The following MGAT4C variants were observed in gnomAD, a reference collection of about 807,000 sequenced individuals.
The protein encoded by MGAT4C is MGAT4 family member C, also known as alpha-1,3-mannosyl-glycoprotein 4-beta-N-acetylglucosaminyltransferase C.
A neutral mutation model predicts 40.1 loss-of-function variants in MGAT4C; 19 were observed. That is an observed-to-expected ratio of 0.47 (90% CI 0.33 to 0.70). MGAT4C has a LOEUF of 0.70. MGAT4C is among the 30% of genes least tolerant of loss of function. MGAT4C has a pLI of 0.02. For missense variants in MGAT4C, 491 were observed against 563.2 expected, an observed-to-expected ratio of 0.87 and a Z score of 1.30; for synonymous variants, 181 against 187.1, an observed-to-expected ratio of 0.97 and a Z score of 0.27.
chr12:86,237,095 A>T (rs910166632), intron 1 of MGAT4C, among the ~76,000 whole-genome samples: 3 of 151,372 alleles, frequency 2.0e-5, no homozygotes, highest in African/African-American at 7.3e-5. Context: ...AAGAATGTGG[A>T]TATACAGTTT....
chr12:86,272,506 G>T (rs184552603), intron 4 of MGAT4C, among the ~76,000 whole-genome samples: 109 of 152,130 alleles, frequency 7.2e-4, no homozygotes, highest in Non-Finnish European at 1.2e-3. Context: ...ACCTAAGAGA[G>T]ATTTTTTTTT....
intron 3 of MGAT4C, among the ~76,000 whole-genome samples, chr12:86,419,494 C>T (rs567978430): frequency 6.4e-4 from 97 of 151,854 alleles, no homozygotes; most frequent in African/African-American, 2.1e-3. Context: ...ACCAGTTTTG[C>T]AACTCAGTGA....
chr12:86,109,055 T>A (rs1280616098), intron 1 of MGAT4C, among the ~76,000 whole-genome samples: 1 of 152,150 alleles, frequency 6.6e-6, no homozygotes, highest in African/African-American at 2.4e-5. Flanking sequence ...GAAGCAGAGA[T>A]CCTGTATGGT....
intron 1 of MGAT4C, among the ~76,000 whole-genome samples, chr12:86,790,717 A>G (rs189377007): frequency 5.9e-5 from 9 of 152,212 alleles, no homozygotes; most frequent in Non-Finnish European, 1.0e-4. Flanking sequence ...GGCAAGCCCA[A>G]GACTGTCTGT....
chr12:86,684,492 A>C (rs138408353), intron 2 of MGAT4C, among the ~76,000 whole-genome samples: 1 of 152,312 alleles, frequency 6.6e-6, no homozygotes, highest in Non-Finnish European at 1.5e-5. Context: ...GAATAAACAT[A>C]TGTGTGTATG....
intron 1 of MGAT4C, among the ~76,000 whole-genome samples, chr12:86,062,743 C>A (rs936946469): frequency 3.3e-5 from 5 of 151,312 alleles, no homozygotes; most frequent in Middle Eastern, 6.4e-3. Flanking sequence ...GTATCAATAG[C>A]CAAATTGATC....
chr12:86,031,039 C>T (rs1212703946), intron 2 of MGAT4C, among the ~76,000 whole-genome samples: 1 of 151,726 alleles, frequency 6.6e-6, no homozygotes, highest in Non-Finnish European at 1.5e-5. Flanking sequence ...ATGTTGGTGC[C>T]ACACTTAAGA....
intron 2 of MGAT4C, among the ~76,000 whole-genome samples, chr12:86,518,864 TA>T (rs1025515266): frequency 5.3e-5 from 8 of 149,910 alleles, no homozygotes; most frequent in South Asian, 2.1e-4. Context: ...CAGTAAAAAT[TA>T]AAAAAAAAAT....
At chr12:86,665,943 C>A (rs2406249) in intron 2 of MGAT4C, among the ~76,000 whole-genome samples, 152,282 of 152,282 alleles carry the variant, frequency 1, 76,141 homozygotes, top group Non-Finnish European at 1. Context: ...GAAAAATAAA[C>A]CATTATATAT....
chr12:86,019,992 G>T (rs992293179), intron 2 of MGAT4C, among the ~76,000 whole-genome samples: 3 of 151,908 alleles, frequency 2.0e-5, no homozygotes, highest in Non-Finnish European at 2.9e-5. Flanking sequence ...GCTCTCTGTT[G>T]GTCTGTTATT....
chr12:86,553,180 G>T (rs1456931634), intron 2 of MGAT4C, among the ~76,000 whole-genome samples: 1 of 152,104 alleles, frequency 6.6e-6, no homozygotes, highest in Non-Finnish European at 1.5e-5. Flanking sequence ...TTGCAGTCCA[G>T]TCAGCAAAAC....
intron 2 of MGAT4C, among the ~76,000 whole-genome samples, chr12:86,593,054 T>C (rs1961394257): frequency 6.6e-6 from 1 of 152,078 alleles, no homozygotes; most frequent in Non-Finnish European, 1.5e-5. Flanking sequence ...TTGTCTTCCT[T>C]TAATTCTCAA....
intron 1 of MGAT4C, among the ~76,000 whole-genome samples, chr12:86,194,422 TG>T (rs1949715966): frequency 6.6e-6 from 1 of 151,992 alleles, no homozygotes; most frequent in Admixed American, 6.6e-5. Context: ...GATTCTCTTT[TG>T]TTTTTAGGAG....
intron 2 of MGAT4C, among the ~76,000 whole-genome samples, chr12:86,642,032 A>G (rs931628506): frequency 1.3e-5 from 2 of 151,876 alleles, no homozygotes; most frequent in East Asian, 1.9e-4. Context: ...CTTATTTTAC[A>G]TGCTACTTAA....
chr12:86,212,877 GCGAGACTCCGTCT>G (rs1456275075), intron 1 of MGAT4C, among the ~76,000 whole-genome samples: 2 of 45,216 alleles, frequency 4.4e-5, no homozygotes, highest in Admixed American at 4.1e-4. Context: ...GGGCGACAGA[GCGAGACTCCGTCT>G]CAAAAAAAAA....
At chr12:86,550,728 C>A (rs1303042950) in intron 2 of MGAT4C, among the ~76,000 whole-genome samples, 1 of 152,206 alleles carries the variant, frequency 6.6e-6, no homozygotes, top group African/African-American at 2.4e-5. Context: ...AACAGTCTGG[C>A]ACTCTCACTC....
chr12:85,983,019 G>C (rs1321483261), intron 4 of MGAT4C, among the ~76,000 whole-genome samples: 1 of 152,098 alleles, frequency 6.6e-6, no homozygotes, highest in Non-Finnish European at 1.5e-5. Flanking sequence ...GGACCTGCCA[G>C]CACCTTGATT....
At chr12:86,208,071 C>A (rs1950327145) in intron 1 of MGAT4C, among the ~76,000 whole-genome samples, 1 of 152,146 alleles carries the variant, frequency 6.6e-6, no homozygotes, top group Non-Finnish European at 1.5e-5. Flanking sequence ...CTTCTTCCTG[C>A]CTCTAGGTCT....
At chr12:86,586,643 C>A (rs1480394364) in intron 2 of MGAT4C, among the ~76,000 whole-genome samples, 1 of 137,788 alleles carries the variant, frequency 7.3e-6, no homozygotes, top group African/African-American at 2.6e-5. Flanking sequence ...GATTGCCATT[C>A]TAACTGGTGT....
Sources: gnomAD v4.1 joint callset for allele counts (sites outside exome capture counted in the v4.1 genomes callset) on GRCh38, gnomAD v4.1.1 for gene constraint, MANE v1.5 for transcripts, NCBI Gene and HGNC (gene_info 2026-07-23, HGNC 2026-07-21) for gene names.